The following SLC27A2 variants were observed in gnomAD, a reference collection of about 807,000 sequenced individuals.
SLC27A2 encodes the protein solute carrier family 27 member 2.
SLC27A2 carries 54 observed loss-of-function variants against 60.0 expected under a neutral mutation model. The observed-to-expected ratio is 0.90, with a 90% CI of 0.72 to 1.13. SLC27A2 has a LOEUF of 1.13. Ranked by LOEUF, SLC27A2 falls within the 50% of genes most tolerant of loss-of-function variation. The pLI is 0.00. For synonymous variants in SLC27A2, 297 were observed against 297.6 expected (o/e 1.00, Z 0.02); for missense variants, 739 against 777.6 (o/e 0.95, Z 0.59).
chr15:50,213,995 C>CAA (rs1352884810), intron 4 of SLC27A2, among the ~76,000 whole-genome samples: 1 of 130,896 alleles, frequency 7.6e-6, no homozygotes, highest in Non-Finnish European at 1.6e-5. Context: ...AACAAACAAA[C>CAA]AAACAAAAAA....
At chr15:50,226,732 A>G (rs986341061) in intron 6 of SLC27A2, among the ~76,000 whole-genome samples, 4 of 152,252 alleles carry the variant, frequency 2.6e-5, no homozygotes, top group African/African-American at 9.6e-5. Flanking sequence ...ATTCCATCTC[A>G]GAAAAATAAA....
rs1377531247 is a variant in SLC27A2, at chr15:50,236,087, G to C, written c.1854G>C (p.Leu618=). Residue 618 remains leucine (L), a synonymous_variant, in exon 10 of 10, where the codon CTG becomes CTC. Transcript: ENST00000267842. The part of the protein sequence containing the change: ...DIYNAISAKT[L]KL Reference sequence around the variant, plus strand: ...ATAATGCCATAAGTGCTAAAACCCTGAAACTCTGAATATTCCCAGGAGGAT... The same window carrying C: ...ATAATGCCATAAGTGCTAAAACCCTCAAACTCTGAATATTCCCAGGAGGAT... 1.0e-5 allele frequency: 16 copies of C among 1,590,884 alleles called. No individual in the cohort carries two copies. Among genetic ancestry groups the C allele is most frequent in the Non-Finnish European group, 1.4e-5 (16 of 1,165,166 alleles).
chr15:50,186,016 T>C (rs574651030), intron 1 of SLC27A2, among the ~76,000 whole-genome samples: 2 of 150,914 alleles, frequency 1.3e-5, no homozygotes, highest in East Asian at 3.9e-4. Context: ...GGAGGGAGGA[T>C]CACTTGAGCC....
chr15:50,233,397 C>A (rs771295218), intron 8 of SLC27A2, among the ~76,000 whole-genome samples: 9 of 152,190 alleles, frequency 5.9e-5, no homozygotes, highest in Non-Finnish European at 1.0e-4. Context: ...AGCCACCAGT[C>A]CAACCTACTC....
chr15:50,197,467 A>G (rs547031291), intron 1 of SLC27A2, 33 bp from the exon 2 acceptor site: 3 of 1,498,876 alleles, frequency 2.0e-6, no homozygotes, highest in Non-Finnish European at 1.9e-6. Context: ...AGACTGATTT[A>G]GTTTGTTTTG....
chr15:50,213,223 T>C (rs1255424633), intron 4 of SLC27A2, among the ~76,000 whole-genome samples: 1 of 152,146 alleles, frequency 6.6e-6, no homozygotes, highest in Non-Finnish European at 1.5e-5. Flanking sequence ...CAGTATAGAA[T>C]TGTAAAAGGC....
In SLC27A2 at chr15:50,233,971, TGCAAG is replaced by T. The variant is rs750854232; in HGVS notation, c.1662_1666del (p.Arg555ProfsTer10). The T allele has an allele frequency of 1.9e-6, 3 of 1,613,078 alleles. No individual in the cohort carries two copies. The highest frequency in any genetic ancestry group is 2.5e-6 in the Non-Finnish European group (3 of 1,179,546). ...ACATTGCTGATTACCTACCTAGTTA[TGCAAG>T]GCCCCGGTTTCTAAGAATACAGGTG... On this transcript the variant is annotated frameshift_variant, in exon 9 of 10. Coordinates refer to ENST00000267842, the MANE Select transcript of SLC27A2 (RefSeq NM_003645.4). LOFTEE classifies it high-confidence loss of function.
chr15:50,216,902 T>C (rs948449030), intron 4 of SLC27A2, among the ~76,000 whole-genome samples: 2 of 146,860 alleles, frequency 1.4e-5, no homozygotes, highest in African/African-American at 2.5e-5. Context: ...TTCCAAAAAA[T>C]ATATATATAT....
rs1036369650 is a variant in SLC27A2 at position 50,235,986 on chromosome 15, C to A, written c.1753C>A (p.Pro585Thr). ...GACCCTGGTGGAGGAGGGCTTTAAC[C>A]CTGCTGTCATCAAAGATGCCTTGTA... ...KMTLVEEGFN[P>T]AVIKDALYFL... Residue 585 changes from proline to threonine, a missense_variant, in exon 10 of 10, where the codon CCT becomes ACT. By Grantham distance (38) the Pro-to-Thr change is conservative. Transcript: ENST00000267842. 1.2e-5 allele frequency: 20 copies of A among 1,613,944 alleles called. No homozygotes were observed. The highest frequency in any genetic ancestry group is 1.6e-5 in the Non-Finnish European group (19 of 1,179,972).
At chr15:50,234,625 G>T (rs921030175) in intron 9 of SLC27A2, among the ~76,000 whole-genome samples, 3 of 151,182 alleles carry the variant, frequency 2.0e-5, no homozygotes, top group Non-Finnish European at 4.4e-5. Context: ...CAGGCATGGT[G>T]ATGTGCACTT....
chr15:50,186,310 C>A (rs1359892848), intron 1 of SLC27A2, among the ~76,000 whole-genome samples: 1 of 152,090 alleles, frequency 6.6e-6, no homozygotes, highest in South Asian at 2.1e-4. Context: ...TATGTTGGGG[C>A]CCAGGAATGT....
intron 1 of SLC27A2, among the ~76,000 whole-genome samples, chr15:50,190,669 A>T (rs906269325): frequency 1.3e-5 from 2 of 151,296 alleles, no homozygotes; most frequent in African/African-American, 4.9e-5. Context: ...TTAATTTTTT[A>T]AAATTTTCTT....
At chr15:50,196,053 CAAAAAAA>C (rs1163958587) in intron 1 of SLC27A2, among the ~76,000 whole-genome samples, 20 of 1,816 alleles carry the variant, frequency 0.011, no homozygotes, top group African/African-American at 0.022. Flanking sequence ...GACTCTGTCT[CAAAAAAA>C]AAAAAAAAAA....
At chr15:50,186,447 GTTTGTT>G (rs2044923640) in intron 1 of SLC27A2, among the ~76,000 whole-genome samples, 1 of 112,788 alleles carries the variant, frequency 8.9e-6, no homozygotes, top group African/African-American at 2.9e-5. Flanking sequence ...TTGTTTGTTT[GTTTGTT>G]TTTGAGACAG....
chr15:50,187,829 T>C (rs1283161229), intron 1 of SLC27A2, among the ~76,000 whole-genome samples: 1 of 152,204 alleles, frequency 6.6e-6, no homozygotes, highest in Non-Finnish European at 1.5e-5. Flanking sequence ...GCTATAAGAC[T>C]GAAGAACTTC....
intron 5 of SLC27A2, among the ~76,000 whole-genome samples, chr15:50,225,258 T>G (rs2045271112): frequency 1.3e-5 from 2 of 152,224 alleles, no homozygotes; most frequent in South Asian, 2.1e-4. Flanking sequence ...AATACTGTCA[T>G]GTTTGCATTT....
At chr15:50,185,830 C>T (rs1057433161) in intron 1 of SLC27A2, among the ~76,000 whole-genome samples, 19 of 151,854 alleles carry the variant, frequency 1.3e-4, no homozygotes, top group African/African-American at 3.1e-4. Flanking sequence ...AGGGTTTCAC[C>T]GTGTTAGCCA....
chr15:50,228,848 G>A, intron 7 of SLC27A2, 97 bp from the exon 8 acceptor site: 1 of 813,762 alleles, frequency 1.2e-6, no homozygotes, highest in Non-Finnish European at 2.1e-6. Context: ...ACGAGATCAG[G>A]ATCATGCAGA....
At chr15:50,210,787 C>T (rs1024936307) in intron 4 of SLC27A2, among the ~76,000 whole-genome samples, 2 of 152,156 alleles carry the variant, frequency 1.3e-5, no homozygotes, top group South Asian at 4.1e-4. Flanking sequence ...GACTCGGGGC[C>T]GTTGAGGGGG....
Sources: gnomAD v4.1 joint callset for allele counts (sites outside exome capture counted in the v4.1 genomes callset) on GRCh38, gnomAD v4.1.1 for gene constraint, MANE v1.5 for transcripts, NCBI Gene and HGNC (gene_info 2026-07-23, HGNC 2026-07-21) for gene names.